Variants in ZBTB20 observed in about 807,000 individuals in gnomAD.
ZBTB20 encodes zinc finger and BTB domain-containing protein 20.
Under a neutral mutation model 56.9 loss-of-function variants are expected in ZBTB20, and 9 were observed. The ratio of observed to expected loss-of-function variants is 0.16; its 90% CI spans 0.10 to 0.28. The LOEUF is 0.28. Ranked by LOEUF, ZBTB20 falls within the 10% of genes least tolerant of loss-of-function variation. The probability of loss-of-function intolerance (pLI) is 1.00; values close to 1 mark genes in which losing one functional copy is unlikely to be tolerated. For missense variants in ZBTB20, 655 were observed against 1,003.0 expected (o/e 0.65, Z 4.69); for synonymous variants, 417 against 420.7 (o/e 0.99, Z 0.11).
intron 1 of ZBTB20, among the ~76,000 whole-genome samples, chr3:115,145,760 G>A (rs560633457): frequency 2.6e-5 from 4 of 152,110 alleles, no homozygotes; most frequent in Non-Finnish European, 4.4e-5. Flanking sequence ...AGCATGAACA[G>A]AAATGAAAAC....
chr3:114,956,650 A>G (rs1320101591), intron 3 of ZBTB20, among the ~76,000 whole-genome samples: 2 of 152,206 alleles, frequency 1.3e-5, no homozygotes, highest in Admixed American at 6.5e-5. Context: ...TTGACAAGCT[A>G]TATCTGGAAA....
At chr3:114,922,445 A>AC (rs1165268491) in intron 3 of ZBTB20, among the ~76,000 whole-genome samples, 1 of 152,136 alleles carries the variant, frequency 6.6e-6, no homozygotes, top group East Asian at 1.9e-4. Context: ...AGAAAAAAAA[A>AC]CCTGTTGAAA....
chr3:114,541,807 T>C (rs2049148258), intron 6 of ZBTB20, among the ~76,000 whole-genome samples: 1 of 152,170 alleles, frequency 6.6e-6, no homozygotes, highest in Non-Finnish European at 1.5e-5. Flanking sequence ...ATACTATTAA[T>C]AGGACTAGCT....
chr3:114,753,491 A>G (rs1225867970), intron 5 of ZBTB20, among the ~76,000 whole-genome samples: 1 of 129,742 alleles, frequency 7.7e-6, no homozygotes, highest in African/African-American at 2.7e-5. Context: ...CTGGAGTGCA[A>G]TGGAGCGATC....
chr3:115,018,305 AT>A (rs2080061575), intron 2 of ZBTB20, among the ~76,000 whole-genome samples: 1 of 151,438 alleles, frequency 6.6e-6, no homozygotes, highest in African/African-American at 2.4e-5. Flanking sequence ...TAGTTAGAAA[AT>A]TTTTTAACAA....
At chr3:114,576,151 C>T (rs866746218) in intron 6 of ZBTB20, among the ~76,000 whole-genome samples, 6 of 151,976 alleles carry the variant, frequency 3.9e-5, no homozygotes, top group Admixed American at 2.6e-4. Context: ...AATAAGTAAC[C>T]CTGTTATTTT....
intron 4 of ZBTB20, among the ~76,000 whole-genome samples, chr3:114,879,325 G>A (rs775510757): frequency 3.3e-5 from 5 of 152,202 alleles, no homozygotes; most frequent in Admixed American, 3.3e-4. Flanking sequence ...TGGAGTGCTG[G>A]CATAAACCAA....
rs371924226 is a variant in ZBTB20 at position 114,429,265 on chromosome 3, TTAAA to T, written c.-254-40164_-254-40161del. On this transcript the variant is annotated intron_variant, in intron 7 of 11. Coordinates refer to ENST00000675478, the MANE Select transcript of ZBTB20 (RefSeq NM_001348800.3). ...TGTTTTATATCTACAATACAACCTCTTAAATAATCAAGTAGTCAAACTAATTCCT... is the reference window on the plus strand; with the variant it reads ...TGTTTTATATCTACAATACAACCTCTTAATCAAGTAGTCAAACTAATTCCT... 3.9e-3 allele frequency among the ~76,000 whole-genome samples: 597 copies of T among 152,322 alleles called. 5 individuals are homozygous for T. The highest frequency in any genetic ancestry group is 0.013 in the African/African-American group (555 of 41,576).
intron 2 of ZBTB20, among the ~76,000 whole-genome samples, chr3:115,048,298 A>G (rs2108424891): frequency 6.6e-6 from 1 of 152,336 alleles, no homozygotes; most frequent in East Asian, 1.9e-4. Context: ...ATTGTATCAC[A>G]TCTTCACATA....
chr3:114,795,334 A>G (rs1208593805), intron 5 of ZBTB20, among the ~76,000 whole-genome samples: 1 of 151,980 alleles, frequency 6.6e-6, no homozygotes, highest in Non-Finnish European at 1.5e-5. Flanking sequence ...TGTATCTACT[A>G]TGTGCTTTCC....
intron 10 of ZBTB20, among the ~76,000 whole-genome samples, chr3:114,354,862 GAGCCACTGTGCCCAGCCCTTCAGGACAA>G (rs1490024339): frequency 1.3e-5 from 2 of 152,176 alleles, no homozygotes; most frequent in Non-Finnish European, 2.9e-5. Flanking sequence ...TTACAGGCAT[GAGCCACTGTGCCCAGCCCTTCAGGACAA>G]GTCTTATTAT....
chr3:114,359,274 C>T (rs1391051914), intron 10 of ZBTB20: 4 of 152,190 alleles, frequency 2.6e-5, no homozygotes, highest in Non-Finnish European at 4.4e-5. Flanking sequence ...TATTATCACA[C>T]TATATGCTTT....
At chr3:115,144,829 G>A (rs772940280) in intron 1 of ZBTB20, 6 of 152,186 alleles carry the variant, frequency 3.9e-5, no homozygotes, top group South Asian at 2.1e-4. Flanking sequence ...AGGGCATATT[G>A]CTGTGGAGGC....
intron 5 of ZBTB20, among the ~76,000 whole-genome samples, chr3:114,756,679 T>A (rs2068029992): frequency 6.6e-6 from 1 of 152,124 alleles, no homozygotes; most frequent in Non-Finnish European, 1.5e-5. Context: ...ACCAAAAACT[T>A]GTATTCAGGC....
At chr3:114,814,158 C>A (rs556874432) in intron 4 of ZBTB20, among the ~76,000 whole-genome samples, 1 of 151,412 alleles carries the variant, frequency 6.6e-6, no homozygotes, top group Non-Finnish European at 1.5e-5. Flanking sequence ...TTATAGGATG[C>A]TTTTTAAATG....
intron 10 of ZBTB20, among the ~76,000 whole-genome samples, chr3:114,354,211 A>T (rs1056926634): frequency 7.2e-5 from 11 of 152,134 alleles, no homozygotes; most frequent in Non-Finnish European, 1.6e-4. Flanking sequence ...ATGGTTTAGG[A>T]TTTTCTATAT....
In ZBTB20 at chr3:114,652,002, A is replaced by G. The variant is rs765581080; in HGVS notation, c.-295+41526T>C. 5.5e-4 allele frequency among the ~76,000 whole-genome samples: 83 copies of G among 152,184 alleles called. 1 individual carries two copies. Among genetic ancestry groups the G allele is most frequent in the Admixed American group, 3.3e-3 (51 of 15,280 alleles). ...GAAGCACTTCAGGTGAGAGTTGATT[A>G]GGGTCAACATGAAATTTTTCAGAGT... On this transcript the variant is annotated intron_variant, in intron 6 of 11. Transcript: ENST00000675478.
intron 2 of ZBTB20, among the ~76,000 whole-genome samples, chr3:115,052,154 A>C (rs551276107): frequency 2.0e-5 from 3 of 152,196 alleles, no homozygotes; most frequent in African/African-American, 7.2e-5. Flanking sequence ...TGATATAATA[A>C]AACTTTCTAA....
chr3:114,547,838 A>AT (rs2050077862), intron 6 of ZBTB20, among the ~76,000 whole-genome samples: 1 of 152,266 alleles, frequency 6.6e-6, no homozygotes, highest in African/African-American at 2.4e-5. Flanking sequence ...AAACTAGTTT[A>AT]AACTTTACTG....
Sources: allele counts gnomAD v4.1 joint callset (sites outside exome capture counted in the v4.1 genomes callset), GRCh38; gene constraint gnomAD v4.1.1; transcripts MANE v1.5; gene names NCBI Gene and HGNC (gene_info 2026-07-23, HGNC 2026-07-21).